TENT4A: variants seen among roughly 807,000 people sequenced by gnomAD.
TENT4A encodes terminal nucleotidyltransferase 4A.
Under a neutral mutation model 72.8 loss-of-function variants are expected in TENT4A, and 7 were observed. That is an observed-to-expected ratio of 0.10 (90% CI 0.05 to 0.18). The LOEUF (loss-of-function observed/expected upper bound fraction) is 0.18, where lower values mean the gene tolerates loss of function less well. Among genes scored for constraint, TENT4A ranks in the 10% least tolerant of loss-of-function variants. TENT4A has a pLI of 1.00. For synonymous variants in TENT4A, 456 were observed against 434.3 expected (o/e 1.05, Z -0.62); for missense variants, 831 against 1,017.7 (o/e 0.82, Z 2.50).
At chr5:6,754,667 G>T in intron 12 of TENT4A, 84 bp from the exon 13 acceptor site, 1 of 1,067,120 alleles carries the variant, frequency 9.4e-7, no homozygotes, top group Non-Finnish European at 1.3e-6. Flanking sequence ...ACATCACGTC[G>T]GTGCTTAGTG....
intron 1 of TENT4A, among the ~76,000 whole-genome samples, chr5:6,723,366 A>ACTTTTTGCACGCAGGTTAATGATGGTG: frequency 2.6e-5 from 4 of 151,230 alleles, no homozygotes; most frequent in African/African-American, 9.7e-5. Context: ...CCTTCTCTCA[A>ACTTTTTGCACGCAGGTTAATGATGGTG]CAGTCTTCCT....
chr5:6,744,759 T>G (rs1741995452), intron 6 of TENT4A, among the ~76,000 whole-genome samples: 1 of 152,236 alleles, frequency 6.6e-6, no homozygotes, highest in Non-Finnish European at 1.5e-5. Context: ...CTTTCCCCTC[T>G]GAGATGTGGC....
At chr5:6,750,649 C>A in intron 10 of TENT4A, 146 bp downstream of exon 10, 1 of 692,872 alleles carries the variant, frequency 1.4e-6, no homozygotes, top group Non-Finnish European at 2.3e-6. Context: ...GGGGCAGCCC[C>A]GTGATGTGGG....
chr5:6,737,461 TG>T (rs1741565564), intron 1 of TENT4A, 48 bp from the exon 2 acceptor site: 7 of 1,516,048 alleles, frequency 4.6e-6, no homozygotes, highest in Non-Finnish European at 6.3e-6. Context: ...ACAGAAAATG[TG>T]GTGACATTTC....
In TENT4A at chr5:6,746,172, T is replaced by C. The variant is rs749969443; in HGVS notation, c.1246-42T>C. On this transcript the variant is annotated intron_variant, in intron 6 of 12. Coordinates refer to ENST00000230859, the MANE Select transcript of TENT4A (RefSeq NM_006999.6). The stretch of plus-strand genomic sequence containing the variant: ...GTCGCGTGCTATTTTCTTTAGAACA[T>C]GCCATGAATCCATACAAATTGTGGG... The C allele has an allele frequency of 1.9e-6, 3 of 1,613,784 alleles. No individual in the cohort carries two copies. In the Admixed American group the frequency reaches 5.0e-5, roughly 27 times the overall value.
At position 6,736,765 on chromosome 5, in the gene TENT4A, GC is replaced by G. The variant is rs994387069; in HGVS notation, c.717-744del. On this transcript the variant is annotated intron_variant, in intron 1 of 12. Coordinates refer to ENST00000230859, the MANE Select transcript of TENT4A (RefSeq NM_006999.6). ...GCGTCTTCCAGGCCTTGCTCATGGT[GC>G]TTGAAAACACTGCTTTAGAGCTTTG... Among the ~76,000 whole-genome samples the G allele has an allele frequency of 3.3e-4, 51 of 152,338 alleles. No homozygotes were observed. In the Middle Eastern group the frequency reaches 0.01, roughly 30 times the overall value.
intron 11 of TENT4A, among the ~76,000 whole-genome samples, 183 bp from the exon 12 acceptor site, chr5:6,752,690 A>AT (rs1742474262): frequency 6.6e-6 from 1 of 152,256 alleles, no homozygotes; most frequent in Admixed American, 6.5e-5. Context: ...GCTGTTTTAG[A>AT]ATACGAAGTA....
intron 1 of TENT4A, among the ~76,000 whole-genome samples, chr5:6,734,088 C>A (rs955250671): frequency 5.9e-5 from 9 of 152,218 alleles, no homozygotes; most frequent in African/African-American, 1.9e-4. Flanking sequence ...TGATTCCATG[C>A]ACAGGCAAGC....
At chr5:6,741,897 G>A (rs535477347) in intron 4 of TENT4A, among the ~76,000 whole-genome samples, 9 of 152,184 alleles carry the variant, frequency 5.9e-5, no homozygotes, top group Admixed American at 5.2e-4. Context: ...GGTGGAGGGT[G>A]GGGCATGAGT....
chr5:6,723,713 A>G (rs559677559), intron 1 of TENT4A, among the ~76,000 whole-genome samples: 1 of 152,248 alleles, frequency 6.6e-6, no homozygotes, highest in Non-Finnish European at 1.5e-5. Context: ...TCCTAAAGAG[A>G]TTAGATTCAG....
In TENT4A at chr5:6,714,732, C is replaced by T. The variant is rs562644152; in HGVS notation, c.716+33C>T. 947 of 1,149,484 alleles carry T rather than the reference C, an allele frequency of 8.2e-4. 6 individuals are homozygous for T. The African/African-American group carries it at 0.014, about 17-fold the overall frequency. The allele number at this position is 1,149,484 out of a possible 1,614,324, so 71.2% of individuals were successfully genotyped here. On this transcript the variant is annotated intron_variant, in intron 1 of 12. Coordinates refer to ENST00000230859, the MANE Select transcript of TENT4A (RefSeq NM_006999.6). ...CGCGGGGAGGCCGCGGGGGCGGGGG[C>T]GGGGCCCATGGTCCTGGCCGGCGCC...
chr5:6,734,264 C>T (rs1741354974), intron 1 of TENT4A, among the ~76,000 whole-genome samples: 1 of 152,272 alleles, frequency 6.6e-6, no homozygotes, highest in Non-Finnish European at 1.5e-5. Flanking sequence ...TTACTGTGCA[C>T]TTTTTCTCAG....
intron 12 of TENT4A, among the ~76,000 whole-genome samples, chr5:6,753,266 C>A (rs1742513259): frequency 6.6e-6 from 1 of 152,198 alleles, no homozygotes; most frequent in South Asian, 2.1e-4. Context: ...TCTCTTAATT[C>A]CTCTGTTGAA....
At chr5:6,714,741 T>TGGTCCTGGCCGGCGCCAGC in intron 1 of TENT4A, 42 bp downstream of exon 1, 1 of 1,002,924 alleles carries the variant, frequency 1.0e-6, no homozygotes, top group Non-Finnish European at 1.3e-6. Context: ...GCGGGGCCCA[T>TGGTCCTGGCCGGCGCCAGC]GGTCCTGGCC....
intron 1 of TENT4A, among the ~76,000 whole-genome samples, chr5:6,732,177 C>T (rs966847919): frequency 6.6e-6 from 1 of 152,208 alleles, no homozygotes; most frequent in East Asian, 1.9e-4. Flanking sequence ...AGATACAAAG[C>T]GCCTGCCTGG....
At chr5:6,745,156 G>A (rs1430546412) in intron 6 of TENT4A, among the ~76,000 whole-genome samples, 1 of 152,346 alleles carries the variant, frequency 6.6e-6, no homozygotes, top group South Asian at 2.1e-4. Context: ...CAGGCTCTTG[G>A]ATATGTGATT....
At chr5:6,753,096 G>A (rs984524948) in intron 12 of TENT4A, 59 bp downstream of exon 12, 2 of 1,472,780 alleles carry the variant, frequency 1.4e-6, no homozygotes, top group South Asian at 2.8e-5. Context: ...GAGAGGCGGT[G>A]CTAAATGTTT....
At chr5:6,731,927 A>G (rs1741234348) in intron 1 of TENT4A, among the ~76,000 whole-genome samples, 1 of 152,198 alleles carries the variant, frequency 6.6e-6, no homozygotes, top group South Asian at 2.1e-4. Context: ...TGCTTCTTCC[A>G]GCCCCACTGT....
chr5:6,746,618 T>C (rs1412574978), intron 7 of TENT4A, among the ~76,000 whole-genome samples, 191 bp downstream of exon 7: 1 of 152,250 alleles, frequency 6.6e-6, no homozygotes, highest in Non-Finnish European at 1.5e-5. Flanking sequence ...AACTTTTGTC[T>C]TTCTAACTGT....
Sources: allele counts gnomAD v4.1 joint callset (sites outside exome capture counted in the v4.1 genomes callset), GRCh38; gene constraint gnomAD v4.1.1; transcripts MANE v1.5; gene names NCBI Gene and HGNC (gene_info 2026-07-23, HGNC 2026-07-21).